INSL6: variants seen among roughly 807,000 people sequenced by gnomAD.
INSL6 encodes insulin like 6.
INSL6 carries 16 observed loss-of-function variants against 9.4 expected under a neutral mutation model. The ratio of observed to expected loss-of-function variants is 1.70; its 90% CI spans 1.15 to 2.59. INSL6 has a LOEUF of 2.59. INSL6 is among the 30% of genes most tolerant of loss of function. The probability of loss-of-function intolerance (pLI) is 0.00; values close to 1 mark genes in which losing one functional copy is unlikely to be tolerated. For synonymous variants in INSL6, 154 were observed against 96.9 expected (o/e 1.59, Z -3.46); for missense variants, 391 against 257.3 (o/e 1.52, Z -3.56).
At chr9:5,142,381 G>A (rs1824517919) in intron 2 of INSL6, among the ~76,000 whole-genome samples, 1 of 152,080 alleles carries the variant, frequency 6.6e-6, no homozygotes, top group Admixed American at 6.6e-5. Context: ...TGTCATCTCT[G>A]ATTTCTTTGA....
chr9:5,091,981 G>GGCGAAGATACTGCCGATT, the INSL6 span, among the ~76,000 whole-genome samples: 1 of 152,040 alleles, frequency 6.6e-6, no homozygotes, highest in Non-Finnish European at 1.5e-5. Flanking sequence ...TGAGGAATCC[G>GGCGAAGATACTGCCGATT]GCGAAGATAC....
the INSL6 span, among the ~76,000 whole-genome samples, chr9:4,993,581 T>C: frequency 6.6e-6 from 1 of 152,224 alleles, no homozygotes; most frequent in Admixed American, 6.5e-5. Context: ...AACTTTGCCC[T>C]AGTATGTAAC....
At chr9:5,087,117 T>C in the INSL6 span, among the ~76,000 whole-genome samples, 1 of 152,180 alleles carries the variant, frequency 6.6e-6, no homozygotes, top group African/African-American at 2.4e-5. Flanking sequence ...CTCTTACTGG[T>C]TGTATTAGTC....
At chr9:5,152,585 C>T (rs926716060) in intron 2 of INSL6, among the ~76,000 whole-genome samples, 11 of 151,910 alleles carry the variant, frequency 7.2e-5, no homozygotes, top group African/African-American at 1.7e-4. Flanking sequence ...TAAAAAGAAG[C>T]GTCTAAAACC....
chr9:5,129,337 C>T (rs1320352597), intron 3 of INSL6, among the ~76,000 whole-genome samples: 7 of 152,072 alleles, frequency 4.6e-5, no homozygotes, highest in African/African-American at 1.7e-4. Flanking sequence ...ACGGGCCACA[C>T]ACCTTGGTTT....
chr9:5,152,372 CAT>C (rs1824728605), intron 2 of INSL6, among the ~76,000 whole-genome samples: 1 of 151,898 alleles, frequency 6.6e-6, no homozygotes, highest in Non-Finnish European at 1.5e-5. Flanking sequence ...TTGTCAACAA[CAT>C]ATTAAATTAG....
chr9:5,176,719 CAA>C (rs34357993), intron 1 of INSL6, among the ~76,000 whole-genome samples: 53,593 of 125,222 alleles, frequency 0.43, 10,659 homozygotes, highest in African/African-American at 0.58. Context: ...GAAATCAAAG[CAA>C]AAAAAAAAAA....
intron 1 of INSL6, among the ~76,000 whole-genome samples, chr9:5,181,600 C>T (rs559509137): frequency 6.6e-6 from 1 of 152,172 alleles, no homozygotes; most frequent in South Asian, 2.1e-4. Context: ...TAAGGCAAAA[C>T]ACTTACTGCT....
At chr9:5,123,111 G>C (rs748566741), downstream of INSL6, 1 of 1,588,332 alleles carries the variant, frequency 6.3e-7, no homozygotes, top group Non-Finnish European at 8.6e-7. Context: ...AAGAGTAAAA[G>C]TCCACCAGCG....
intron 1 of INSL6, among the ~76,000 whole-genome samples, chr9:5,171,391 T>C (rs920168083): frequency 4.6e-5 from 7 of 152,076 alleles, no homozygotes; most frequent in Middle Eastern, 3.2e-3. Flanking sequence ...ACTGAATGGG[T>C]AAAGCTGGAT....
the INSL6 span, among the ~76,000 whole-genome samples, chr9:5,102,906 G>T: frequency 6.6e-6 from 1 of 152,104 alleles, no homozygotes; most frequent in Non-Finnish European, 1.5e-5. Context: ...ACTAAACATG[G>T]AAAGGAACAA....
the INSL6 span, among the ~76,000 whole-genome samples, chr9:5,044,921 A>G: frequency 3.3e-5 from 5 of 152,200 alleles, no homozygotes; most frequent in Non-Finnish European, 7.3e-5. Context: ...AATGAACTGT[A>G]GAGAAAGTAG....
intron 1 of INSL6, among the ~76,000 whole-genome samples, chr9:5,183,742 G>A (rs965140061): frequency 6.6e-6 from 1 of 151,836 alleles, no homozygotes; most frequent in Admixed American, 6.6e-5. Flanking sequence ...TTGCACTCCT[G>A]GGAGAAAAGA....
the INSL6 span, chr9:5,100,272 C>T: frequency 3.3e-5 from 5 of 152,290 alleles, no homozygotes; most frequent in South Asian, 1.0e-3. Flanking sequence ...TATAGTCAAA[C>T]CCAGCCCCTG....
chr9:5,022,483 G>A, the INSL6 span, among the ~76,000 whole-genome samples: 2 of 152,084 alleles, frequency 1.3e-5, no homozygotes, highest in Non-Finnish European at 2.9e-5. Flanking sequence ...AAAAAATCCT[G>A]TCATGGGCTA....
rs535736284 is a variant in INSL6 at position 5,154,108 on chromosome 9, G to A, written c.376+10071C>T. Among the ~76,000 whole-genome samples, 5 of 151,996 alleles carry A rather than the reference G, an allele frequency of 3.3e-5. No individual in the cohort carries two copies. The East Asian group carries it at 9.6e-4, about 29-fold the overall frequency. The stretch of plus-strand genomic sequence containing the variant: ...CTACAGTAACAGAAACAGCATGGTA[G>A]TGGTACCAAAACAGAGATACAGACC... On this transcript the variant is annotated intron_variant, in intron 2 of 3. Coordinates refer to the INSL6 transcript ENST00000649639.
the INSL6 span, among the ~76,000 whole-genome samples, chr9:5,075,375 C>T: frequency 6.6e-6 from 1 of 152,202 alleles, no homozygotes; most frequent in Non-Finnish European, 1.5e-5. Flanking sequence ...GAAGTCAGTG[C>T]TTGCCTTCAA....
the INSL6 span, chr9:5,054,462 C>G: frequency 2.1e-6 from 2 of 974,918 alleles, no homozygotes; most frequent in Non-Finnish European, 3.1e-6. This position sits in a 1 kb window ranked among gnomAD's most constrained non-coding sequence, Gnocchi z 4.9. Context: ...GTAAGGCCTA[C>G]TTAATCATGG....
At chr9:5,107,387 T>G in the INSL6 span, among the ~76,000 whole-genome samples, 329 of 152,230 alleles carry the variant, frequency 2.2e-3, 1 homozygote, top group East Asian at 0.019. Context: ...TCCATAAAAT[T>G]CTTCCTAGTA....
Sources: allele counts gnomAD v4.1 joint callset (sites outside exome capture counted in the v4.1 genomes callset), GRCh38; gene constraint gnomAD v4.1.1; non-coding constraint Gnocchi (gnomAD v3.1); transcripts MANE v1.5; gene names NCBI Gene and HGNC (gene_info 2026-07-23, HGNC 2026-07-21).